PDZD2: variants seen among roughly 807,000 people sequenced by gnomAD.
PDZD2 encodes PDZ domain containing 2, also known as PDZ domain-containing protein 2.
A neutral mutation model predicts 220.7 loss-of-function variants in PDZD2; 90 were observed. The ratio of observed to expected loss-of-function variants is 0.41; its 90% CI spans 0.34 to 0.49. The LOEUF is 0.49. Ranked by LOEUF, PDZD2 falls within the 20% of genes least tolerant of loss-of-function variation. The pLI, the probability that PDZD2 is intolerant of heterozygous loss-of-function variation, is 0.28. For synonymous variants in PDZD2, 1,375 were observed against 1,450.5 expected (o/e 0.95, Z 1.18); for missense variants, 3,174 against 3,608.5 (o/e 0.88, Z 3.08).
chr5:31,841,502 G>A (rs10940971), intron 2 of PDZD2, among the ~76,000 whole-genome samples: 17,249 of 151,896 alleles, frequency 0.11, 1,316 homozygotes, highest in East Asian at 0.36. Context: ...GTGAAACCCC[G>A]TCTCAACTGA....
intron 2 of PDZD2, among the ~76,000 whole-genome samples, chr5:31,931,264 C>T (rs1008659240): frequency 6.6e-6 from 1 of 152,040 alleles, no homozygotes; most frequent in African/African-American, 2.4e-5. Context: ...ATCAAGTGAT[C>T]CACCTGCCTC....
intron 1 of PDZD2, among the ~76,000 whole-genome samples, chr5:31,710,035 A>C (rs1323880983): frequency 6.6e-6 from 1 of 152,222 alleles, no homozygotes; most frequent in African/African-American, 2.4e-5. Context: ...TGCACAGGGG[A>C]GCGGCTGCTC....
At position 31,961,222 on chromosome 5, in the gene PDZD2, A is replaced by G. The variant is rs889144086; in HGVS notation, c.477-21933A>G. ...ATTTTGTGTTGTCTGAGGGATGTCT[A>G]CATTGCCTTGAAATCTGAGGCAGGG... On this transcript the variant is annotated intron_variant, in intron 2 of 24. Transcript: ENST00000438447. Among the ~76,000 whole-genome samples the G allele has an allele frequency of 5.9e-5, 9 of 152,264 alleles. No homozygotes were observed. In the South Asian group the frequency reaches 1.5e-3, roughly 25 times the overall value.
Position 32,101,133 on chromosome 5 carries a change from G to A in PDZD2, c.8247G>A (p.Leu2749=), listed in dbSNP as rs1259050925. 2 of 1,614,176 alleles carry A rather than the reference G, an allele frequency of 1.2e-6. No homozygotes were observed. Among genetic ancestry groups the A allele is most frequent in the East Asian group, 2.2e-5 (1 of 44,884 alleles). ...GAAGTGTGGCTGTACACGATGCTCT[G>A]TGTGTTGAAGTGCTGAAGACCTCGG... ...IGRSVAVHDA[L]CVEVLKTSAG... Residue 2749 remains leucine, a synonymous_variant, in exon 24 of 25, where the codon CTG becomes CTA. Transcript: ENST00000438447.
chr5:31,929,982 GT>G (rs1202599437), intron 2 of PDZD2, among the ~76,000 whole-genome samples: 1 of 150,844 alleles, frequency 6.6e-6, no homozygotes, highest in African/African-American at 2.5e-5. Flanking sequence ...GCGAGGTCAG[GT>G]TGTGCAAAGG....
chr5:31,886,133 A>C (rs2150342165), intron 2 of PDZD2, among the ~76,000 whole-genome samples: 1 of 152,288 alleles, frequency 6.6e-6, no homozygotes, highest in African/African-American at 2.4e-5. Flanking sequence ...TCCTGACCTT[A>C]GTTGATCCGC....
intron 6 of PDZD2, among the ~76,000 whole-genome samples, chr5:32,028,684 G>GTTTTTTTTTTTT (rs1287949594): frequency 2.1e-5 from 2 of 97,510 alleles, no homozygotes; most frequent in Non-Finnish European, 4.5e-5. Flanking sequence ...TGTTTTTTTT[G>GTTTTTTTTTTTT]TTTTTTTTTT....
intron 2 of PDZD2, chr5:31,847,914 A>T: frequency 2.1e-6 from 1 of 468,568 alleles, no homozygotes; most frequent in Non-Finnish European, 4.2e-6. Context: ...GAAGATGAAG[A>T]TGCTTACCAG....
At chr5:31,873,787 A>G (rs1739054837) in intron 2 of PDZD2, among the ~76,000 whole-genome samples, 2 of 151,004 alleles carry the variant, frequency 1.3e-5, no homozygotes, top group Admixed American at 6.6e-5. Context: ...CTGGAGTGCA[A>G]TGGTGTGATC....
intron 1 of PDZD2, among the ~76,000 whole-genome samples, chr5:31,660,120 C>G (rs1041152436): frequency 2.6e-5 from 4 of 152,188 alleles, no homozygotes; most frequent in African/African-American, 4.8e-5. Context: ...CTTGGTGTTA[C>G]AGACAAATTT....
intron 4 of PDZD2, among the ~76,000 whole-genome samples, chr5:31,996,764 C>A (rs1751668938): frequency 6.6e-6 from 1 of 152,114 alleles, no homozygotes; most frequent in African/African-American, 2.4e-5. Flanking sequence ...TTCTGTAGTC[C>A]TAGCTACTCA....
intron 14 of PDZD2, among the ~76,000 whole-genome samples, chr5:32,066,391 G>C (rs1740217668): frequency 6.6e-6 from 1 of 152,124 alleles, no homozygotes; most frequent in South Asian, 2.1e-4. Flanking sequence ...ACCAAGTCCT[G>C]CTTCCACCTT....
chr5:31,857,903 T>G (rs1184593231), intron 2 of PDZD2, among the ~76,000 whole-genome samples: 1 of 152,208 alleles, frequency 6.6e-6, no homozygotes, highest in East Asian at 1.9e-4. Flanking sequence ...CTCAGCTCAC[T>G]GCAACCCCTG....
chr5:31,928,814 AC>A (rs956288140), intron 2 of PDZD2, among the ~76,000 whole-genome samples: 16 of 152,092 alleles, frequency 1.1e-4, no homozygotes, highest in Non-Finnish European at 7.4e-5. Context: ...GCACAGGAAA[AC>A]TTTATCAAGG....
At chr5:31,955,802 T>C (rs926583870) in intron 2 of PDZD2, among the ~76,000 whole-genome samples, 1 of 152,092 alleles carries the variant, frequency 6.6e-6, no homozygotes, top group Non-Finnish European at 1.5e-5. Flanking sequence ...TAGAACTGCT[T>C]TTGCTGTGTC....
chr5:31,680,520 A>G (rs1746609174), intron 1 of PDZD2, among the ~76,000 whole-genome samples: 1 of 150,990 alleles, frequency 6.6e-6, no homozygotes, highest in Admixed American at 6.6e-5. Context: ...AGCCAATTTA[A>G]AAAAAAAATA....
intron 6 of PDZD2, among the ~76,000 whole-genome samples, chr5:32,036,738 C>G (rs74391413): frequency 0.032 from 4,947 of 152,308 alleles, 269 homozygotes; most frequent in African/African-American, 0.11. Flanking sequence ...GCCATAAAAT[C>G]AAATTTTTAC....
At chr5:31,710,535 T>C (rs1220463838) in intron 1 of PDZD2, among the ~76,000 whole-genome samples, 1 of 152,160 alleles carries the variant, frequency 6.6e-6, no homozygotes, top group African/African-American at 2.4e-5. Flanking sequence ...AATAGAGATA[T>C]GGCCAGGCGT....
intron 6 of PDZD2, among the ~76,000 whole-genome samples, chr5:32,032,299 T>C (rs1254684788): frequency 6.6e-6 from 1 of 152,178 alleles, no homozygotes; most frequent in Non-Finnish European, 1.5e-5. Context: ...CTTTGTTAGC[T>C]TTCCTGCTGA....
Sources: gnomAD v4.1 joint callset for allele counts (sites outside exome capture counted in the v4.1 genomes callset) on GRCh38, gnomAD v4.1.1 for gene constraint, MANE v1.5 for transcripts, NCBI Gene and HGNC (gene_info 2026-07-23, HGNC 2026-07-21) for gene names.